JMJD1C: variants seen among roughly 807,000 people sequenced by gnomAD.
The protein encoded by JMJD1C is jumonji domain-containing protein 1C.
JMJD1C carries 31 observed loss-of-function variants against 245.3 expected under a neutral mutation model. That is an observed-to-expected ratio of 0.13 (90% CI 0.09 to 0.17). The LOEUF (loss-of-function observed/expected upper bound fraction) is 0.17, where lower values mean the gene tolerates loss of function less well. JMJD1C is among the 10% of genes least tolerant of loss of function. The pLI is 1.00. For synonymous variants in JMJD1C, 1,057 were observed against 1,017.4 expected, an observed-to-expected ratio of 1.04 and a Z score of -0.74; for missense variants, 2,691 against 3,000.2, an observed-to-expected ratio of 0.90 and a Z score of 2.41.
chr10:63,271,593 TC>T (rs937091330), intron 2 of JMJD1C, among the ~76,000 whole-genome samples: 16 of 151,564 alleles, frequency 1.1e-4, no homozygotes, highest in African/African-American at 3.9e-4. Context: ...CTCATGTTGC[TC>T]AGGCTGGAGT....
intron 2 of JMJD1C, among the ~76,000 whole-genome samples, chr10:63,358,330 T>C (rs1158000860): frequency 6.6e-6 from 1 of 152,058 alleles, no homozygotes; most frequent in East Asian, 1.9e-4. Context: ...TAAATTCTAG[T>C]AAATGGCAAC....
intron 1 of JMJD1C, among the ~76,000 whole-genome samples, chr10:63,424,029 G>A (rs542165684): frequency 4.1e-4 from 63 of 152,100 alleles, no homozygotes; most frequent in African/African-American, 1.4e-3. Context: ...TATATATTCT[G>A]CATATTAAAC....
intron 3 of JMJD1C, among the ~76,000 whole-genome samples, chr10:63,231,510 T>C (rs1201654259): frequency 2.0e-5 from 3 of 152,054 alleles, no homozygotes; most frequent in African/African-American, 4.8e-5. Context: ...AACAAGGAAA[T>C]AGGCCGGGCA....
intron 6 of JMJD1C, 27 bp downstream of exon 6, chr10:63,215,526 G>T (rs749328850): frequency 1.7e-5 from 28 of 1,607,234 alleles, no homozygotes; most frequent in Non-Finnish European, 2.3e-5. Context: ...ATATTTTACA[G>T]AAATTCATCC....
At chr10:63,400,011 A>C (rs571288913) in intron 1 of JMJD1C, among the ~76,000 whole-genome samples, 151 of 152,260 alleles carry the variant, frequency 9.9e-4, no homozygotes, top group Middle Eastern at 3.4e-3. Context: ...TAAAAAGCCT[A>C]CTTTACTCAC....
chr10:63,167,919 T>TTAC lies in JMJD1C; in HGVS notation c.*123_*125dup. 1 of 642,734 alleles carries TTAC rather than the reference T, an allele frequency of 1.6e-6. No individual in the cohort carries two copies. The highest frequency in any genetic ancestry group is 2.8e-6 in the Non-Finnish European group (1 of 357,676). 39.8% of individuals were successfully genotyped at this position (642,734 alleles called of 1,614,324 possible). A position where few individuals can be genotyped will look rare whatever the true frequency, so the allele number is the denominator to read the frequency against. On this transcript the variant is annotated 3_prime_UTR_variant, in exon 26 of 26. Transcript: ENST00000399262. ...CTGCTGTGGTGTCAGTAACAAGTAATTACTACAAAGAGAATTTCTTGGCAC... is the reference window on the plus strand; with the variant it reads ...CTGCTGTGGTGTCAGTAACAAGTAATTACTACTACAAAGAGAATTTCTTGGCAC...
intron 2 of JMJD1C, among the ~76,000 whole-genome samples, chr10:63,320,681 C>T (rs773283672): frequency 2.0e-5 from 3 of 152,096 alleles, no homozygotes; most frequent in Non-Finnish European, 4.4e-5. Context: ...TGTTTTTTGT[C>T]TCCATTTCCT....
intron 1 of JMJD1C, among the ~76,000 whole-genome samples, chr10:63,495,226 T>C (rs1183345635): frequency 6.6e-6 from 1 of 151,880 alleles, no homozygotes; most frequent in Non-Finnish European, 1.5e-5. Context: ...AACAGTTGAT[T>C]CCAGGTCTGG....
At chr10:63,241,602 T>C (rs760815150) in intron 3 of JMJD1C, among the ~76,000 whole-genome samples, 8 of 151,970 alleles carry the variant, frequency 5.3e-5, no homozygotes, top group Non-Finnish European at 1.0e-4. Context: ...TTCTACATCA[T>C]TTTCTACTAA....
chr10:63,353,551 T>G (rs141859611), intron 2 of JMJD1C, among the ~76,000 whole-genome samples: 3 of 152,170 alleles, frequency 2.0e-5, no homozygotes, highest in African/African-American at 7.2e-5. Flanking sequence ...AGTCTCACTC[T>G]ATCACCCAGG....
At chr10:63,520,599 A>G (rs1170950471) in intron 1 of JMJD1C, among the ~76,000 whole-genome samples, 1 of 152,170 alleles carries the variant, frequency 6.6e-6, no homozygotes, top group Non-Finnish European at 1.5e-5. Context: ...TCCAAAAAAT[A>G]CAGTTGTAAA....
chr10:63,308,106 G>A (rs1010160488), intron 2 of JMJD1C, among the ~76,000 whole-genome samples: 1 of 151,900 alleles, frequency 6.6e-6, no homozygotes, highest in Non-Finnish European at 1.5e-5. Flanking sequence ...AGCTGAGATT[G>A]AGCCACTGCA....
intron 1 of JMJD1C, among the ~76,000 whole-genome samples, chr10:63,453,837 C>G (rs1254995441): frequency 2.6e-5 from 4 of 152,198 alleles, no homozygotes; most frequent in African/African-American, 9.6e-5. Flanking sequence ...CTCCTAGGTT[C>G]AAGCGATTCT....
chr10:63,372,581 TAGTC>T (rs1564845080), intron 2 of JMJD1C, among the ~76,000 whole-genome samples: 2 of 152,204 alleles, frequency 1.3e-5, no homozygotes, highest in Non-Finnish European at 2.9e-5. Flanking sequence ...CATATGTTAA[TAGTC>T]AGAAAACTTG....
chr10:63,252,274 T>C (rs1004475775), intron 3 of JMJD1C, among the ~76,000 whole-genome samples: 1 of 152,186 alleles, frequency 6.6e-6, no homozygotes, highest in Non-Finnish European at 1.5e-5. Flanking sequence ...CTAGGAAATG[T>C]TGCCTAGTGG....
chr10:63,265,984 G>T (rs1855530362), intron 2 of JMJD1C, among the ~76,000 whole-genome samples: 1 of 151,994 alleles, frequency 6.6e-6, no homozygotes, highest in Non-Finnish European at 1.5e-5. Flanking sequence ...CTTTTAAGGA[G>T]TTAATTTCTA....
chr10:63,402,061 G>A (rs1261504706), intron 1 of JMJD1C, among the ~76,000 whole-genome samples: 2 of 151,596 alleles, frequency 1.3e-5, no homozygotes, highest in Non-Finnish European at 2.9e-5. Context: ...TTGAACCTGG[G>A]AGGCAGAGTT....
intron 1 of JMJD1C, among the ~76,000 whole-genome samples, chr10:63,501,808 A>C (rs574605611): frequency 3.3e-5 from 5 of 152,256 alleles, no homozygotes; most frequent in East Asian, 1.9e-4. Flanking sequence ...CAAAAAAAGA[A>C]TACTACTACT....
chr10:63,277,992 C>T (rs182023357), intron 2 of JMJD1C, among the ~76,000 whole-genome samples: 1 of 151,896 alleles, frequency 6.6e-6, no homozygotes, highest in Non-Finnish European at 1.5e-5. Context: ...CTCGACCTCC[C>T]AAAGTGCTGG....
Sources: gnomAD v4.1 joint callset for allele counts (sites outside exome capture counted in the v4.1 genomes callset) on GRCh38, gnomAD v4.1.1 for gene constraint, MANE v1.5 for transcripts, NCBI Gene and HGNC (gene_info 2026-07-23, HGNC 2026-07-21) for gene names.